Variants in SPG11 observed in about 807,000 individuals in gnomAD.
The protein encoded by SPG11 is SPG11 vesicle trafficking associated, spatacsin, also known as spatacsin.
SPG11 carries 222 observed loss-of-function variants against 274.0 expected under a neutral mutation model. The ratio of observed to expected loss-of-function variants is 0.81; its 90% confidence interval spans 0.73 to 0.91. The LOEUF (loss-of-function observed/expected upper bound fraction) is 0.91, where lower values mean the gene tolerates loss of function less well. Ranked by LOEUF, SPG11 falls within the 40% of genes least tolerant of loss-of-function variation. The pLI is 0.00. For synonymous variants in SPG11, 1,144 were observed against 1,039.7 expected (o/e 1.10, Z -1.93); for missense variants, 3,114 against 2,872.7 (o/e 1.08, Z -1.92).
rs527806518 is a variant in SPG11 at position 44,662,650 on chromosome 15, T to TAAAA, written c.257+737_257+740dup. ...GCCTGGGCGACAGCGACCTTATCTT[T>TAAAA]AAAAAAAAAAAAAAAAAAAAAAAAG... On this transcript the variant is annotated intron_variant, in intron 1 of 39. Transcript: ENST00000261866. Among the ~76,000 whole-genome samples the TAAAA allele has an allele frequency of 5.0e-3, 456 of 91,142 alleles. 3 individuals are homozygous for TAAAA. Among genetic ancestry groups the TAAAA allele is most frequent in the African/African-American group, 0.018 (414 of 23,378 alleles). 59.8% of individuals were successfully genotyped at this position (91,142 alleles called of 152,430 possible). A position where few individuals can be genotyped will look rare whatever the true frequency, so the allele number is the denominator to read the frequency against.
rs763849178 is a variant in SPG11, at chr15:44,584,306, C to T, written c.5374G>A (p.Asp1792Asn). 6.2e-7 allele frequency: 1 copy of T among 1,612,108 alleles called. No homozygotes were observed. Among genetic ancestry groups the T allele is most frequent in the Non-Finnish European group, 8.5e-7 (1 of 1,178,674 alleles). ...TGCTTCTCCAGCTCCTCCAGCTTAT[C>T]CAAGGGCACCACGTCCTCCTGGGCA... The part of the protein sequence containing the change: ...WLAQEDVVPL[D>N]KLEELEKQIW... Residue 1792 changes from aspartate to asparagine, a missense_variant, in exon 30 of 40, where the codon GAT becomes AAT. Asp to Asn is a conservative substitution (Grantham distance 23). Coordinates refer to ENST00000261866, the MANE Select transcript of SPG11 (RefSeq NM_025137.4).
chr15:44,584,489 A>G lies in SPG11; in HGVS notation c.5191T>C (p.Trp1731Arg). 1 of 1,614,168 alleles carries G rather than the reference A, an allele frequency of 6.2e-7. No homozygotes were observed. The highest frequency in any genetic ancestry group is 2.2e-5 in the East Asian group (1 of 44,890). Reference protein sequence around the residue: ...WSLKQARIDFWKKCHENFKKN... With the variant: ...WSLKQARIDFRKKCHENFKKN... ...TTAAAATTCTCATGGCATTTTTTCCAGAAGTCAATTCTTGCTTGTTTTAGT... is the reference window on the plus strand; with the variant it reads ...TTAAAATTCTCATGGCATTTTTTCCGGAAGTCAATTCTTGCTTGTTTTAGT... The change falls in exon 30 of 40, where the codon TGG becomes CGG. Residue 1731 changes from tryptophan to arginine, a missense_variant. Coordinates refer to ENST00000261866, the MANE Select transcript of SPG11 (RefSeq NM_025137.4).
At chr15:44,572,286 G>A (rs1474377039) in intron 33 of SPG11, among the ~76,000 whole-genome samples, 2 of 152,174 alleles carry the variant, frequency 1.3e-5, no homozygotes, top group African/African-American at 4.8e-5. Flanking sequence ...GGCCTATAAT[G>A]AGTTAGACAT....
chr15:44,661,526 T>C (rs1165532918), intron 1 of SPG11, among the ~76,000 whole-genome samples: 1 of 152,024 alleles, frequency 6.6e-6, no homozygotes, highest in Non-Finnish European at 1.5e-5. Flanking sequence ...ATAAAACTAA[T>C]AAGAGTACAT....
At chr15:44,629,484 T>G in intron 8 of SPG11, 96 bp from the exon 9 acceptor site, 1 of 1,352,624 alleles carries the variant, frequency 7.4e-7, no homozygotes, top group South Asian at 1.3e-5. Context: ...TTTTTAAACA[T>G]AAAACAAGGA....
At chr15:44,634,917 A>AT (rs1000779460) in intron 7 of SPG11, among the ~76,000 whole-genome samples, 20 of 149,982 alleles carry the variant, frequency 1.3e-4, no homozygotes, top group African/African-American at 2.4e-4. Flanking sequence ...TAAAATAAAC[A>AT]TTTTTTTTTT....
Position 44,636,932 on chromosome 15 carries a change from AAAAAAAAAAAAAAAAAAAAAAAAAAC to A in SPG11, c.1603-3321_1603-3296del, listed in dbSNP as rs1031228633. ...CAGAGCAAGACTCCATCTCAAAAAA[AAAAAAAAAAAAAAAAAAAAAAAAAAC>A]AAAAAAAAAACACAAATGTGGTAAA... On this transcript the variant is annotated intron_variant, in intron 7 of 39. Transcript: ENST00000261866. Among the ~76,000 whole-genome samples the A allele has an allele frequency of 1.7e-4, 21 of 120,546 alleles. 1 individual carries two copies. Among genetic ancestry groups the A allele is most frequent in the South Asian group, 5.6e-4 (2 of 3,564 alleles). 79.1% of individuals were successfully genotyped at this position (120,546 alleles called of 152,430 possible).
At position 44,565,912 on chromosome 15, in the gene SPG11, A is replaced by G. The variant is rs766939178; in HGVS notation, c.6941T>C (p.Ile2314Thr). The change falls in exon 38 of 40, where the codon ATC (isoleucine) becomes ACC (threonine). Residue 2314 changes from isoleucine (I) to threonine (T), a missense_variant. Physicochemically the swap from Ile to Thr is moderately conservative, Grantham distance 89. Transcript: ENST00000261866. ...CATCAGCTTGTGGCGGCCCAAGTTG[A>G]TGAGCATTGTGTTCTGGCCAGTGTT... ...FLNTGQNTML[I>T]NLGRHKLMDC... The G allele has an allele frequency of 6.2e-7, 1 of 1,613,718 alleles. No homozygotes were observed.
At chr15:44,589,458 A>T (rs1299610171) in intron 27 of SPG11, 44 bp from the exon 28 acceptor site, 1 of 1,612,356 alleles carries the variant, frequency 6.2e-7, no homozygotes. Context: ...GTTTCATGAG[A>T]ATAGCAAATC....
chr15:44,620,349 T>A lies in SPG11; in HGVS notation c.2675A>T (p.Asp892Val). The stretch of plus-strand genomic sequence containing the variant: ...AATCCATAAGATAATGTTTAACCAA[T>A]CATGGCGAGCTGTGAGGTATCTCCA... ...ALWRYLTARH[D>V]WLNIILWIGE... Residue 892 changes from aspartate (D) to valine (V), a missense_variant, in exon 15 of 40, where the codon GAT becomes GTT. Coordinates refer to ENST00000261866, the MANE Select transcript of SPG11 (RefSeq NM_025137.4). 1.2e-6 allele frequency: 2 copies of A among 1,614,112 alleles called. No homozygotes were observed. The highest frequency in any genetic ancestry group is 1.1e-5 in the South Asian group (1 of 91,078).
intron 7 of SPG11, 25 bp from the exon 8 acceptor site, chr15:44,633,662 T>C: frequency 6.2e-7 from 1 of 1,608,532 alleles, no homozygotes; most frequent in Non-Finnish European, 8.5e-7. Flanking sequence ...AAAATAAAAA[T>C]CAGAAAAAAA....
intron 7 of SPG11, among the ~76,000 whole-genome samples, chr15:44,646,315 G>A (rs1040679050): frequency 6.6e-6 from 1 of 152,156 alleles, no homozygotes; most frequent in Non-Finnish European, 1.5e-5. Context: ...TACCTGAGAA[G>A]GGAGGTTTAA....
chr15:44,578,850 A>G (rs1210071983), intron 30 of SPG11, among the ~76,000 whole-genome samples: 2 of 152,258 alleles, frequency 1.3e-5, no homozygotes, highest in African/African-American at 4.8e-5. Context: ...TTTTAATAAT[A>G]CACTATTCAA....
rs375363608 is a variant in SPG11 at position 44,598,278 on chromosome 15, G to C, written c.3988C>G (p.Gln1330Glu). 544 of 1,613,132 alleles carry C rather than the reference G, an allele frequency of 3.4e-4. No homozygotes were observed. The highest frequency in any genetic ancestry group is 4.3e-4 in the Non-Finnish European group (506 of 1,179,248). ...CAACTCACAAACCTCTTTATTTCCT[G>C]TTGCTGAATGCTGTTCCATGTACCT... ...EEGTWNSIQQ[Q>E]EIKRLSSESS... is the part of the protein sequence containing the mutation. Residue 1330 changes from glutamine to glutamate, a missense_variant, in exon 23 of 40, where the codon CAG (glutamine) becomes GAG (glutamate). Physicochemically the swap from Gln to Glu is conservative, Grantham distance 29. Coordinates refer to ENST00000261866, the MANE Select transcript of SPG11 (RefSeq NM_025137.4).
intron 25 of SPG11, 70 bp from the exon 26 acceptor site, chr15:44,595,529 A>T: frequency 6.7e-7 from 1 of 1,484,740 alleles, no homozygotes; most frequent in East Asian, 2.3e-5. Flanking sequence ...CTACAGATGG[A>T]TATTTCCTGT....
intron 36 of SPG11, 117 bp from the exon 37 acceptor site, chr15:44,566,422 AG>A: frequency 3.1e-6 from 3 of 973,582 alleles, no homozygotes; most frequent in Non-Finnish European, 3.2e-6. Context: ...ACAGGCAGGC[AG>A]GAACACCTCA....
chr15:44,642,669 T>C (rs1412340713), intron 7 of SPG11, among the ~76,000 whole-genome samples: 1 of 149,648 alleles, frequency 6.7e-6, no homozygotes, highest in Non-Finnish European at 1.5e-5. Flanking sequence ...GACACTCACC[T>C]GGGAAACAAA....
Position 44,589,384 on chromosome 15 carries a change from C to T in SPG11, c.4774G>A (p.Val1592Ile), listed in dbSNP as rs1847213131. 1.9e-6 allele frequency: 3 copies of T among 1,613,982 alleles called. No homozygotes were observed. Among genetic ancestry groups the T allele is most frequent in the Admixed American group, 3.3e-5 (2 of 59,996 alleles). ...TCCTCCAGCCACATGGCAGGGATGA[C>T]AGGGTGGACCTTTGTGGCTGCTGTG... ...LNTAATKVHP[V>I]IPAMWLEDQV... The change falls in exon 28 of 40, where the codon GTC becomes ATC. Residue 1592 changes from valine to isoleucine, a missense_variant. Val to Ile is a conservative substitution (Grantham distance 29). Coordinates refer to ENST00000261866, the MANE Select transcript of SPG11 (RefSeq NM_025137.4).
At chr15:44,654,903 A>G (rs1010120522) in intron 4 of SPG11, among the ~76,000 whole-genome samples, 1 of 152,078 alleles carries the variant, frequency 6.6e-6, no homozygotes, top group Non-Finnish European at 1.5e-5. Flanking sequence ...CGGACTGTAC[A>G]TGATACCATT....
Sources: gnomAD v4.1 joint callset for allele counts (sites outside exome capture counted in the v4.1 genomes callset) on GRCh38, gnomAD v4.1.1 for gene constraint, MANE v1.5 for transcripts, NCBI Gene and HGNC (gene_info 2026-07-23, HGNC 2026-07-21) for gene names.